The following NELL1 variants were observed in gnomAD, a reference collection of about 807,000 sequenced individuals.
The protein encoded by NELL1 is protein kinase C-binding protein NELL1.
A neutral mutation model predicts 107.4 loss-of-function variants in NELL1; 76 were observed. That is an observed-to-expected ratio of 0.71 (90% CI 0.59 to 0.86). NELL1 has a LOEUF of 0.86. Among genes scored for constraint, NELL1 ranks in the 40% least tolerant of loss-of-function variants. The pLI is 0.00. For synonymous variants in NELL1, 353 were observed against 341.2 expected (o/e 1.03, Z -0.38); for missense variants, 1,024 against 1,005.5 (o/e 1.02, Z -0.25).
chr11:20,899,801 T>C (rs1426203863), intron 5 of NELL1, among the ~76,000 whole-genome samples: 1 of 151,262 alleles, frequency 6.6e-6, no homozygotes, highest in Non-Finnish European at 1.5e-5. Flanking sequence ...ATTAAAACAG[T>C]AGTAACCATT....
chr11:20,736,030 A>T (rs1855753556), intron 2 of NELL1, among the ~76,000 whole-genome samples: 1 of 152,142 alleles, frequency 6.6e-6, no homozygotes, highest in East Asian at 1.9e-4. Context: ...GATCCTTGGC[A>T]TCAGGAGGAA....
intron 14 of NELL1, among the ~76,000 whole-genome samples, chr11:21,235,872 T>G (rs1037490161): frequency 2.7e-4 from 41 of 152,088 alleles, no homozygotes; most frequent in Non-Finnish European, 5.0e-4. Context: ...AACATACAAT[T>G]TTTTTTCTCT....
At chr11:20,724,662 C>T (rs1036889460) in intron 2 of NELL1, among the ~76,000 whole-genome samples, 3 of 152,182 alleles carry the variant, frequency 2.0e-5, no homozygotes, top group East Asian at 1.9e-4. Context: ...AACCATTCAA[C>T]GAGTCTCTAG....
At chr11:20,995,598 A>G (rs909901274) in intron 12 of NELL1, among the ~76,000 whole-genome samples, 1 of 152,046 alleles carries the variant, frequency 6.6e-6, no homozygotes, top group Admixed American at 6.6e-5. Flanking sequence ...CAGCGTCTAT[A>G]AATTGCTTCA....
chr11:20,682,577 G>T (rs115231876), intron 2 of NELL1, among the ~76,000 whole-genome samples: 3 of 151,696 alleles, frequency 2.0e-5, no homozygotes, highest in African/African-American at 7.3e-5. Context: ...AATTAAACAG[G>T]TTTATTGAGG....
intron 17 of NELL1, among the ~76,000 whole-genome samples, chr11:21,570,275 G>T (rs1432279497): frequency 5.9e-5 from 9 of 151,782 alleles, no homozygotes; most frequent in Non-Finnish European, 1.3e-4. Flanking sequence ...TGTCATCTTG[G>T]ATAAGTGGTT....
chr11:21,296,558 C>A (rs1188858018), intron 14 of NELL1, among the ~76,000 whole-genome samples: 1 of 151,850 alleles, frequency 6.6e-6, no homozygotes, highest in African/African-American at 2.4e-5. Context: ...CACTTAATAA[C>A]ACAGTTCAGT....
intron 12 of NELL1, among the ~76,000 whole-genome samples, chr11:21,007,705 C>T (rs536236801): frequency 6.6e-6 from 1 of 152,074 alleles, no homozygotes; most frequent in East Asian, 1.9e-4. Context: ...ATTGTAGGTG[C>T]TATGCAATTA....
At chr11:20,986,932 T>A (rs1198442808) in intron 12 of NELL1, among the ~76,000 whole-genome samples, 2 of 152,232 alleles carry the variant, frequency 1.3e-5, no homozygotes, top group African/African-American at 4.8e-5. Flanking sequence ...TGTAAATAAA[T>A]TTCAACAGTC....
At chr11:20,808,838 C>A (rs541709481) in intron 3 of NELL1, among the ~76,000 whole-genome samples, 1 of 152,246 alleles carries the variant, frequency 6.6e-6, no homozygotes, top group South Asian at 2.1e-4. Flanking sequence ...TGCACAGATT[C>A]TTTTTGCTAT....
intron 15 of NELL1, among the ~76,000 whole-genome samples, chr11:21,446,578 A>G (rs1156887161): frequency 2.0e-5 from 3 of 152,194 alleles, no homozygotes; most frequent in African/African-American, 4.8e-5. Context: ...CCCCAAGTCC[A>G]GTAATGCTGT....
At chr11:21,441,333 G>A (rs1305076515) in intron 15 of NELL1, among the ~76,000 whole-genome samples, 4 of 3,774 alleles carry the variant, frequency 1.1e-3, no homozygotes, top group Non-Finnish European at 2.1e-3. Context: ...GCTGTGACGT[G>A]TGTGTGTGTG....
chr11:21,037,151 T>C (rs1853112118), intron 12 of NELL1, among the ~76,000 whole-genome samples: 1 of 152,136 alleles, frequency 6.6e-6, no homozygotes, highest in South Asian at 2.1e-4. Context: ...GGTTCATTAA[T>C]AGTAGCCACT....
At chr11:21,454,894 A>G (rs1853686382) in intron 15 of NELL1, among the ~76,000 whole-genome samples, 1 of 152,222 alleles carries the variant, frequency 6.6e-6, no homozygotes, top group Admixed American at 6.5e-5. Flanking sequence ...TAATACCATC[A>G]CAATGGGAGT....
chr11:21,313,278 C>CAAAA (rs1185306384), intron 14 of NELL1, among the ~76,000 whole-genome samples: 1 of 151,962 alleles, frequency 6.6e-6, no homozygotes, highest in Admixed American at 6.6e-5. Context: ...GTTTTGTTTC[C>CAAAA]ATGTCTTTAA....
chr11:21,438,672 C>T (rs1853197061), intron 15 of NELL1, among the ~76,000 whole-genome samples: 1 of 151,754 alleles, frequency 6.6e-6, no homozygotes, highest in Non-Finnish European at 1.5e-5. Flanking sequence ...TATTTTTTGT[C>T]TGGGTTATTT....
intron 12 of NELL1, among the ~76,000 whole-genome samples, chr11:21,061,666 A>G (rs1046498249): frequency 8.1e-6 from 1 of 122,932 alleles, no homozygotes; most frequent in African/African-American, 3.3e-5. Flanking sequence ...ACATTTGCAA[A>G]GGCCTTAGAG....
intron 3 of NELL1, among the ~76,000 whole-genome samples, chr11:20,811,662 T>C (rs1478294057): frequency 6.6e-6 from 1 of 152,126 alleles, no homozygotes. Flanking sequence ...ACCCCCTTGG[T>C]TAACTTTTCT....
intron 14 of NELL1, among the ~76,000 whole-genome samples, chr11:21,292,754 A>C (rs958309364): frequency 6.6e-6 from 1 of 152,162 alleles, no homozygotes; most frequent in African/African-American, 2.4e-5. Flanking sequence ...GGAACAGAAC[A>C]GAGGCCTCAG....
Sources: allele counts gnomAD v4.1 joint callset (sites outside exome capture counted in the v4.1 genomes callset), GRCh38; gene constraint gnomAD v4.1.1; transcripts MANE v1.5; gene names NCBI Gene and HGNC (gene_info 2026-07-23, HGNC 2026-07-21).